ZDHHC15: variants seen among roughly 807,000 people sequenced by gnomAD.
The protein encoded by ZDHHC15 is palmitoyltransferase ZDHHC15.
A neutral mutation model predicts 31.7 loss-of-function variants in ZDHHC15; 19 were observed. The observed-to-expected ratio is 0.60, with a 90% CI of 0.42 to 0.88. The LOEUF (loss-of-function observed/expected upper bound fraction) is 0.88. Among genes scored for constraint, ZDHHC15 ranks in the 40% least tolerant of loss-of-function variants. ZDHHC15 has a pLI of 0.00. For synonymous variants in ZDHHC15, 103 were observed against 90.0 expected, an observed-to-expected ratio of 1.14 and a Z score of -0.82; for missense variants, 209 against 251.2, an observed-to-expected ratio of 0.83 and a Z score of 1.14.
At chrX:75,402,937 C>A (rs998142453) in intron 10 of ZDHHC15, among the ~76,000 whole-genome samples, 1 of 110,520 alleles carries the variant, frequency 9.0e-6, no homozygotes, top group Non-Finnish European at 1.9e-5. Context: ...GCCACAACAA[C>A]AATTCACCTT....
At position 75,417,188 on chromosome X, in the gene ZDHHC15, G is replaced by A. The variant is rs139883175; in HGVS notation, c.866C>T (p.Pro289Leu). ...KFWLIPIGSS[P>L]GDGHSFPMRS... The stretch of plus-strand genomic sequence containing the variant: ...CATAGGGAAGGAGTGTCCATCACCA[G>A]GGCTGATGGGAAAAGAAAGGCAGTG... The change falls in exon 10 of 12, where the codon CCT (proline) becomes CTT (leucine). Residue 289 changes from proline to leucine, a missense_variant and splice_region_variant. Pro to Leu is a moderately conservative substitution (Grantham distance 98). Coordinates refer to ENST00000373367, the MANE Select transcript of ZDHHC15 (RefSeq NM_144969.3). 7 of 1,178,354 alleles carry A rather than the reference G, an allele frequency of 5.9e-6. No homozygotes were observed. Among genetic ancestry groups the A allele is most frequent in the Non-Finnish European group, 8.0e-6 (7 of 869,910 alleles).
intron 1 of ZDHHC15, among the ~76,000 whole-genome samples, chrX:75,514,234 C>T (rs1280767360): frequency 9.0e-6 from 1 of 111,385 alleles, no homozygotes; most frequent in Non-Finnish European, 1.9e-5. Context: ...TTGAGTTTTA[C>T]GTTTTTTTTA....
At chrX:75,456,789 G>A (rs2084230756) in intron 3 of ZDHHC15, among the ~76,000 whole-genome samples, 1 of 111,047 alleles carries the variant, frequency 9.0e-6, no homozygotes. Flanking sequence ...AGAGCAGTTG[G>A]GTCCAGCACT....
chrX:75,445,413 T>G lies in ZDHHC15; in HGVS notation c.379+5389A>C, dbSNP rs143209423. 5.5e-3 allele frequency among the ~76,000 whole-genome samples: 620 copies of G among 112,013 alleles called. 3 individuals carry two copies. Among genetic ancestry groups the G allele is most frequent in the Non-Finnish European group, 9.3e-3 (495 of 53,243 alleles). ...TAGTCAACCATTTATGAGAAGCAAG[T>G]AGCTGGGTGACTATATATGATAATA... On this transcript the variant is annotated intron_variant, in intron 4 of 11. Transcript: ENST00000373367.
intron 4 of ZDHHC15, among the ~76,000 whole-genome samples, chrX:75,444,295 A>AG (rs2083992484): frequency 9.1e-6 from 1 of 109,533 alleles, no homozygotes; most frequent in Non-Finnish European, 1.9e-5. Context: ...GCCATAAAAA[A>AG]GGATGAGTTC....
At chrX:75,386,269 T>A (rs899457638) in intron 10 of ZDHHC15, among the ~76,000 whole-genome samples, 3 of 111,800 alleles carry the variant, frequency 2.7e-5, no homozygotes, top group Non-Finnish European at 5.6e-5. Context: ...AGGAAGGAGA[T>A]TAATTCCCCC....
chrX:75,429,137 C>T lies in ZDHHC15; in HGVS notation c.544G>A (p.Val182Ile). The T allele has an allele frequency of 8.3e-7, 1 of 1,206,896 alleles. No individual in the cohort carries two copies. The highest frequency in any genetic ancestry group is 1.1e-6 in the Non-Finnish European group (1 of 893,273). ...KFFLQFLAYS[V>I]LYCLYIATTV... Reference sequence around the variant, plus strand: ...GTAGCAATGTACAGGCAGTAGAGAACAGAGTAAGCTAAGAATTGAAGGAAG... The same window carrying T: ...GTAGCAATGTACAGGCAGTAGAGAATAGAGTAAGCTAAGAATTGAAGGAAG... Residue 182 changes from valine to isoleucine, a missense_variant, in exon 7 of 12, where the codon GTT (valine) becomes ATT (isoleucine). Transcript: ENST00000373367.
chrX:75,484,845 C>A (rs1441671564), intron 2 of ZDHHC15, among the ~76,000 whole-genome samples: 1 of 112,041 alleles, frequency 8.9e-6, no homozygotes, highest in Non-Finnish European at 1.9e-5. Flanking sequence ...AATAAATAAG[C>A]AAACTGTGAT....
intron 4 of ZDHHC15, among the ~76,000 whole-genome samples, chrX:75,441,869 C>A (rs1310025960): frequency 9.1e-6 from 1 of 110,354 alleles, no homozygotes; most frequent in Non-Finnish European, 1.9e-5. Flanking sequence ...GTGATCCACC[C>A]ACCTCAGCCT....
At chrX:75,406,384 C>A (rs1335062174) in intron 10 of ZDHHC15, among the ~76,000 whole-genome samples, 2 of 110,337 alleles carry the variant, frequency 1.8e-5, no homozygotes, top group Non-Finnish European at 3.8e-5. Flanking sequence ...TTTTCCAAAG[C>A]AATACAGAAG....
chrX:75,401,037 C>T (rs2083350573), intron 10 of ZDHHC15, among the ~76,000 whole-genome samples: 1 of 110,582 alleles, frequency 9.0e-6, no homozygotes, highest in African/African-American at 3.3e-5. Flanking sequence ...GGAACGGATG[C>T]TGACAGAACA....
chrX:75,508,550 A>G (rs1405778411), intron 1 of ZDHHC15, among the ~76,000 whole-genome samples: 2 of 109,401 alleles, frequency 1.8e-5, no homozygotes, highest in Non-Finnish European at 3.8e-5. Flanking sequence ...TCTATCACTG[A>G]TGGACATTTA....
intron 2 of ZDHHC15, among the ~76,000 whole-genome samples, chrX:75,494,638 A>C (rs1490742391): frequency 4.5e-5 from 5 of 112,129 alleles, no homozygotes; most frequent in African/African-American, 1.6e-4. Flanking sequence ...GCTTATCTAC[A>C]ACCATCTGAT....
At chrX:75,408,383 A>G (rs2083444696) in intron 10 of ZDHHC15, among the ~76,000 whole-genome samples, 1 of 111,631 alleles carries the variant, frequency 9.0e-6, no homozygotes, top group Non-Finnish European at 1.9e-5. Flanking sequence ...CTGAAGAAGC[A>G]TTTGATAGAA....
chrX:75,421,171 A>C (rs1347124835), intron 9 of ZDHHC15, among the ~76,000 whole-genome samples: 1 of 98,541 alleles, frequency 1.0e-5, no homozygotes, highest in Non-Finnish European at 2.0e-5. Flanking sequence ...CAGTGTATTG[A>C]ATTTTTCGTT....
intron 3 of ZDHHC15, among the ~76,000 whole-genome samples, chrX:75,457,557 C>T (rs1388195046): frequency 9.2e-6 from 1 of 108,409 alleles, no homozygotes; most frequent in Non-Finnish European, 1.9e-5. Context: ...GTCTTATGAC[C>T]CCAGCAATTT....
intron 10 of ZDHHC15, chrX:75,384,583 G>A: frequency 2.5e-6 from 2 of 791,730 alleles, no homozygotes; most frequent in East Asian, 3.3e-5. Context: ...AAACAAACAA[G>A]TTAAGGGCAA....
intron 2 of ZDHHC15, among the ~76,000 whole-genome samples, chrX:75,484,969 C>T (rs1340614837): frequency 2.7e-5 from 3 of 111,605 alleles, no homozygotes; most frequent in African/African-American, 9.8e-5. Context: ...ATACAAAAGG[C>T]TCCATACTGT....
In ZDHHC15 at chrX:75,424,706, C is replaced by G; in HGVS notation, c.682G>C (p.Val228Leu). 1 of 1,206,721 alleles carries G rather than the reference C, an allele frequency of 8.3e-7. No individual in the cohort carries two copies. Among genetic ancestry groups the G allele is most frequent in the Non-Finnish European group, 1.1e-6 (1 of 893,231 alleles). Residue 228 changes from valine to leucine, a missense_variant, in exon 8 of 12, where the codon GTG (valine) becomes CTG (leucine). Physicochemically the swap from Val to Leu is conservative, Grantham distance 32. Coordinates refer to ENST00000373367, the MANE Select transcript of ZDHHC15 (RefSeq NM_144969.3). ...FVACMFFVSLVILFGYHCWLV... is the reference protein window; with the variant it reads ...FVACMFFVSLLILFGYHCWLV... ...CAACAATGGTAACCAAAGAGAATCACAAGGCTGACAAAAAACATGCAGGCC... is the reference window on the plus strand; with the variant it reads ...CAACAATGGTAACCAAAGAGAATCAGAAGGCTGACAAAAAACATGCAGGCC...
Sources: gnomAD v4.1 joint callset for allele counts (sites outside exome capture counted in the v4.1 genomes callset) on GRCh38, gnomAD v4.1.1 for gene constraint, MANE v1.5 for transcripts, NCBI Gene and HGNC (gene_info 2026-07-23, HGNC 2026-07-21) for gene names.